Variants in TP63 observed in about 807,000 individuals in gnomAD.
TP63 encodes the protein tumor protein p63.
Under a neutral mutation model 82.8 loss-of-function variants are expected in TP63, and 17 were observed. The ratio of observed to expected loss-of-function variants is 0.21; its 90% CI spans 0.14 to 0.31. TP63 has a LOEUF of 0.31. TP63 is among the 10% of genes least tolerant of loss of function. The pLI, the probability that TP63 is intolerant of heterozygous loss-of-function variation, is 1.00. For missense variants in TP63, 648 were observed against 895.3 expected, an observed-to-expected ratio of 0.72 and a Z score of 3.52; for synonymous variants, 330 against 321.7, an observed-to-expected ratio of 1.03 and a Z score of -0.28.
intron 3 of TP63, among the ~76,000 whole-genome samples, chr3:189,744,921 C>T (rs916276576): frequency 1.2e-4 from 19 of 152,174 alleles, no homozygotes; most frequent in African/African-American, 4.3e-4. Flanking sequence ...GCTGGCCTAC[C>T]GGGTGTCTAA....
intron 13 of TP63, among the ~76,000 whole-genome samples, chr3:189,892,459 G>C (rs1721112046): frequency 6.6e-6 from 1 of 152,128 alleles, no homozygotes; most frequent in Non-Finnish European, 1.5e-5. Flanking sequence ...CATTTACTGA[G>C]AGCCTCAAAA....
chr3:189,629,539 A>G (rs2108599198), upstream of TP63, among the ~76,000 whole-genome samples: 1 of 152,254 alleles, frequency 6.6e-6, no homozygotes, highest in African/African-American at 2.4e-5. Context: ...CTCATTTCCT[A>G]GAGACGTCGA....
intron 1 of TP63, among the ~76,000 whole-genome samples, chr3:189,669,986 T>C (rs1714751897): frequency 6.6e-6 from 1 of 151,760 alleles, no homozygotes; most frequent in Non-Finnish European, 1.5e-5. Context: ...TCCTATTGAA[T>C]TAACAAAAAA....
rs989760216 is a variant in TP63, at chr3:189,646,583, A to G, written c.62+15006A>G. 2.7e-5 allele frequency among the ~76,000 whole-genome samples: 4 copies of G among 147,026 alleles called. 1 individual carries two copies. The highest frequency in any genetic ancestry group is 1.0e-4 in the African/African-American group (4 of 39,210). On this transcript the variant is annotated intron_variant, in intron 1 of 13. Transcript: ENST00000264731. ...AATTTGATTGAAATAATTCTATTAT[A>G]CATTCTTCTACTTTTGGTCCCACCC...
At chr3:189,833,655 A>C (rs1712692425) in intron 4 of TP63, among the ~76,000 whole-genome samples, 1 of 148,158 alleles carries the variant, frequency 6.7e-6, no homozygotes, top group Non-Finnish European at 1.5e-5. Flanking sequence ...ATCTTATGTC[A>C]AGGGTAGCAA....
intron 1 of TP63, among the ~76,000 whole-genome samples, chr3:189,714,009 C>G (rs1718781587): frequency 6.6e-6 from 1 of 152,140 alleles, no homozygotes; most frequent in Non-Finnish European, 1.5e-5. Flanking sequence ...TTCTGTTGAT[C>G]CTTAACACAT....
intron 1 of TP63, among the ~76,000 whole-genome samples, chr3:189,632,723 G>T (rs1395304476): frequency 6.6e-6 from 1 of 152,054 alleles, no homozygotes; most frequent in Non-Finnish European, 1.5e-5. Flanking sequence ...GTGTCTTGCT[G>T]TTTACCACAA....
chr3:189,748,857 T>C (rs1335532405), intron 3 of TP63, among the ~76,000 whole-genome samples: 3 of 152,062 alleles, frequency 2.0e-5, no homozygotes, highest in Non-Finnish European at 4.4e-5. Flanking sequence ...TGAGACATAA[T>C]AGGAAATCCA....
intron 4 of TP63, among the ~76,000 whole-genome samples, chr3:189,810,213 A>G (rs910623071): frequency 3.3e-5 from 5 of 152,148 alleles, no homozygotes; most frequent in Non-Finnish European, 7.3e-5. Flanking sequence ...GTAAACTTAG[A>G]GTTTATAGGC....
At chr3:189,839,040 TAAAAAAAAAAAA>T (rs5855274) in intron 4 of TP63, among the ~76,000 whole-genome samples, 7 of 88,606 alleles carry the variant, frequency 7.9e-5, no homozygotes, top group Non-Finnish European at 1.3e-4. Context: ...TATCCTAAGC[TAAAAAAAAAAAA>T]AAAAAAAAAA....
At chr3:189,631,703 A>G (rs1480921298) in intron 1 of TP63, 126 bp downstream of exon 1, 6 of 1,585,512 alleles carry the variant, frequency 3.8e-6, no homozygotes, top group Admixed American at 1.7e-5. Context: ...ATTATTTTGG[A>G]CTTTCTGTGG....
At chr3:189,636,432 ATAAAC>A (rs1729784627) in intron 1 of TP63, among the ~76,000 whole-genome samples, 1 of 152,176 alleles carries the variant, frequency 6.6e-6, no homozygotes, top group African/African-American at 2.4e-5. Context: ...ACTTTGAGAA[ATAAAC>A]TCAACTCAAC....
chr3:189,643,320 G>A (rs1278338825), intron 1 of TP63, among the ~76,000 whole-genome samples: 1 of 152,096 alleles, frequency 6.6e-6, no homozygotes, highest in Admixed American at 6.6e-5. Flanking sequence ...CAAGTTTGAG[G>A]ACAGTCTATT....
chr3:189,870,053 T>C, intron 9 of TP63, among the ~76,000 whole-genome samples: 1 of 152,228 alleles, frequency 6.6e-6, no homozygotes, highest in East Asian at 1.9e-4. Context: ...CTTACCCTAA[T>C]ATTTAAAATT....
At chr3:189,864,467 A>C in intron 5 of TP63, 49 bp downstream of exon 5, 1 of 1,507,718 alleles carries the variant, frequency 6.6e-7, no homozygotes, top group Non-Finnish European at 9.0e-7. Context: ...GAAGGTCAAG[A>C]TTCTGTGGGC....
intron 1 of TP63, among the ~76,000 whole-genome samples, chr3:189,638,005 A>G (rs1577154860): frequency 6.6e-6 from 1 of 152,148 alleles, no homozygotes; most frequent in African/African-American, 2.4e-5. Context: ...GAAGCTGGAA[A>G]GGGCAAGGAA....
chr3:189,777,010 G>A (rs1723853004), intron 3 of TP63, among the ~76,000 whole-genome samples: 1 of 151,982 alleles, frequency 6.6e-6, no homozygotes, highest in African/African-American at 2.4e-5. Flanking sequence ...TTTTCTTCAG[G>A]GAAGTTAAAT....
At chr3:189,837,033 T>C (rs930889692) in intron 4 of TP63, among the ~76,000 whole-genome samples, 2 of 152,170 alleles carry the variant, frequency 1.3e-5, no homozygotes, top group African/African-American at 2.4e-5. Context: ...GTTTGGAAAG[T>C]AGGGGAATGA....
At chr3:189,887,408 G>T (rs2108856742) in intron 11 of TP63, among the ~76,000 whole-genome samples, 1 of 152,256 alleles carries the variant, frequency 6.6e-6, no homozygotes, top group African/African-American at 2.4e-5. Flanking sequence ...GACACAGTCA[G>T]TAAGGAACTG....
Sources: allele counts gnomAD v4.1 joint callset (sites outside exome capture counted in the v4.1 genomes callset), GRCh38; gene constraint gnomAD v4.1.1; transcripts MANE v1.5; gene names NCBI Gene and HGNC (gene_info 2026-07-23, HGNC 2026-07-21).